STAM2: variants seen among roughly 807,000 people sequenced by gnomAD.
STAM2 encodes the protein signal transducing adapter molecule 2.
STAM2 carries 51 observed loss-of-function variants against 65.6 expected under a neutral mutation model. The ratio of observed to expected loss-of-function variants is 0.78; its 90% CI spans 0.62 to 0.98. The LOEUF (loss-of-function observed/expected upper bound fraction) is 0.98. Ranked by LOEUF, STAM2 falls within the 50% of genes least tolerant of loss-of-function variation. The probability of loss-of-function intolerance (pLI) is 0.00; values close to 1 mark genes in which losing one functional copy is unlikely to be tolerated. For missense variants in STAM2, 584 were observed against 617.8 expected, an observed-to-expected ratio of 0.95 and a Z score of 0.58; for synonymous variants, 198 against 208.4, an observed-to-expected ratio of 0.95 and a Z score of 0.43.
At chr2:152,141,995 A>G (rs1052239816) in intron 7 of STAM2, among the ~76,000 whole-genome samples, 12 of 152,230 alleles carry the variant, frequency 7.9e-5, no homozygotes, top group African/African-American at 2.9e-4. Flanking sequence ...AAAAGTATAA[A>G]AACAATGAAT....
At chr2:152,130,358 T>C (rs1214668665) in intron 11 of STAM2, among the ~76,000 whole-genome samples, 1 of 151,790 alleles carries the variant, frequency 6.6e-6, no homozygotes, top group African/African-American at 2.4e-5. Context: ...TTAACGCCAT[T>C]CTCCTGCCTC....
chr2:152,138,508 A>C (rs114707428), intron 7 of STAM2, among the ~76,000 whole-genome samples: 49 of 152,286 alleles, frequency 3.2e-4, no homozygotes, highest in African/African-American at 1.2e-3. Context: ...AACTTTCTAT[A>C]TGGAAAATCA....
chr2:152,159,212 G>A (rs1689613129), intron 1 of STAM2, among the ~76,000 whole-genome samples: 1 of 150,912 alleles, frequency 6.6e-6, no homozygotes, highest in South Asian at 2.1e-4. Context: ...AGGCTGGGGT[G>A]GGAGGATTCC....
Position 152,120,410 on chromosome 2 carries a change from A to C in STAM2, c.*164T>G, listed in dbSNP as rs965471413. On this transcript the variant is annotated 3_prime_UTR_variant, in exon 14 of 14. Coordinates refer to ENST00000263904, the MANE Select transcript of STAM2 (RefSeq NM_005843.6). ...AAACTGGACTGAAAAAAAAAAAAAAAAAAAACCTTTTATGGCCTTGTAGAA... is the reference window on the plus strand; with the variant it reads ...AAACTGGACTGAAAAAAAAAAAAAACAAAAACCTTTTATGGCCTTGTAGAA... 2.2e-5 allele frequency: 13 copies of C among 580,850 alleles called. No individual in the cohort carries two copies. The highest frequency in any genetic ancestry group is 6.4e-5 in the Admixed American group (2 of 31,304). 36.0% of individuals were successfully genotyped at this position (580,850 alleles called of 1,614,324 possible). A position where few individuals can be genotyped will look rare whatever the true frequency, so the allele number is the denominator to read the frequency against.
intron 7 of STAM2, among the ~76,000 whole-genome samples, chr2:152,136,550 A>G (rs1459486146): frequency 2.6e-5 from 4 of 152,210 alleles, no homozygotes; most frequent in South Asian, 2.1e-4. Context: ...CTGCCACAAT[A>G]AAGTTGGTAG....
chr2:152,161,081 A>G (rs1265839222), intron 1 of STAM2, among the ~76,000 whole-genome samples: 3 of 152,198 alleles, frequency 2.0e-5, no homozygotes, highest in African/African-American at 7.2e-5. Flanking sequence ...GAAAAGATTG[A>G]GAAATCGGAT....
Position 152,159,110 on chromosome 2 carries a change from T to TATATATATATATATATATATATAC in STAM2, c.41-8882_41-8881insGTATATATATATATATATATATAT, listed in dbSNP as rs575009275. Among the ~76,000 whole-genome samples, 573 of 128,846 alleles carry TATATATATATATATATATATATAC rather than the reference T, an allele frequency of 4.4e-3. 4 individuals are homozygous for TATATATATATATATATATATATAC. The highest frequency in any genetic ancestry group is 9.9e-3 in the South Asian group (36 of 3,632). The allele number at this position is 128,846 out of a possible 152,430, so 84.5% of individuals were successfully genotyped here. A position where few individuals can be genotyped will look rare whatever the true frequency, so the allele number is the denominator to read the frequency against. Reference sequence around the variant, plus strand: ...AAAAAAAACCATATATATATATATATACACACACAGATATATATAATTTTT... The same window carrying TATATATATATATATATATATATAC: ...AAAAAAAACCATATATATATATATATATATATATATATATATATATATACACACACACAGATATATATAATTTTT... On this transcript the variant is annotated intron_variant, in intron 1 of 13. Coordinates refer to ENST00000263904, the MANE Select transcript of STAM2 (RefSeq NM_005843.6).
intron 1 of STAM2, 98 bp from the exon 2 acceptor site, chr2:152,150,327 A>T: frequency 1.4e-6 from 1 of 722,290 alleles, no homozygotes; most frequent in South Asian, 1.9e-5. Flanking sequence ...TACCTTTTCT[A>T]TTGCCGAAGA....
chr2:152,126,350 A>T lies in STAM2; in HGVS notation c.1055T>A (p.Val352Asp). The change falls in exon 12 of 14, where the codon GTT becomes GAT. Residue 352 changes from valine to aspartate, a missense_variant. Coordinates refer to ENST00000263904, the MANE Select transcript of STAM2 (RefSeq NM_005843.6). ...TAGTTCCAGAGCTTCCAGGACTTTA[A>T]CATTCAATTCAGACAATTCTGAATG... ...RKHSELSELN[V>D]KVLEALELYN... 1 of 1,586,070 alleles carries T rather than the reference A, an allele frequency of 6.3e-7. No homozygotes were observed. The highest frequency in any genetic ancestry group is 8.6e-7 in the Non-Finnish European group (1 of 1,167,254).
Position 152,147,959 on chromosome 2 carries a change from A to C in STAM2, c.300+65T>G. On this transcript the variant is annotated intron_variant, in intron 4 of 13. Coordinates refer to ENST00000263904, the MANE Select transcript of STAM2 (RefSeq NM_005843.6). ...ATAATACTTTAGTAATGCCACATAT[A>C]GTTATAATGACACACAATCTACATT... 2.2e-5 allele frequency: 26 copies of C among 1,164,896 alleles called. No homozygotes were observed. The South Asian group carries it at 3.4e-4, about 15-fold the overall frequency. The allele number at this position is 1,164,896 out of a possible 1,614,324, so 72.2% of individuals were successfully genotyped here.
At chr2:152,132,081 C>G (rs368416172) in intron 11 of STAM2, 33 bp downstream of exon 11, 2 of 1,533,854 alleles carry the variant, frequency 1.3e-6, no homozygotes, top group Non-Finnish European at 8.9e-7. Flanking sequence ...CCCCCCAAAA[C>G]TATACTTTTT....
At chr2:152,158,273 C>G (rs773427296) in intron 1 of STAM2, among the ~76,000 whole-genome samples, 1 of 151,976 alleles carries the variant, frequency 6.6e-6, no homozygotes, top group East Asian at 1.9e-4. Flanking sequence ...TCAAGAGATC[C>G]GAGACCATCT....
chr2:152,135,750 G>A (rs1336841926), intron 7 of STAM2, 147 bp from the exon 8 acceptor site: 9 of 595,032 alleles, frequency 1.5e-5, no homozygotes, highest in African/African-American at 3.8e-5. Flanking sequence ...TTTAATAAAC[G>A]ATATTAAAAA....
In STAM2 at chr2:152,169,276, G is replaced by GT. The variant is rs1295820345; in HGVS notation, c.40+6326dup. 3.9e-5 allele frequency among the ~76,000 whole-genome samples: 6 copies of GT among 152,054 alleles called. No homozygotes were observed. In the East Asian group the frequency reaches 1.2e-3, roughly 29 times the overall value. On this transcript the variant is annotated intron_variant, in intron 1 of 13. Coordinates refer to ENST00000263904, the MANE Select transcript of STAM2 (RefSeq NM_005843.6). The stretch of plus-strand genomic sequence containing the variant: ...TTTTTTGGTGTTGGTTTTTGGTTTC[G>GT]TTTTTTTGTTTTGTTCGGGAGACAG...
In STAM2 at chr2:152,120,434, A is replaced by G. The variant is rs1579307239; in HGVS notation, c.*140T>C. 4 of 644,018 alleles carry G rather than the reference A, an allele frequency of 6.2e-6. No individual in the cohort carries two copies. In the East Asian group the frequency reaches 1.1e-4, roughly 18 times the overall value. The allele number at this position is 644,018 out of a possible 1,614,324, so 39.9% of individuals were successfully genotyped here. On this transcript the variant is annotated 3_prime_UTR_variant, in exon 14 of 14. Transcript: ENST00000263904. ...AAAAAAACCTTTTATGGCCTTGTAG[A>G]ATAAGAGAGGTTTTTGTGCTTTATT...
intron 1 of STAM2, among the ~76,000 whole-genome samples, chr2:152,158,993 A>G: frequency 6.6e-6 from 1 of 151,250 alleles, no homozygotes. Flanking sequence ...TTAGGAAAAA[A>G]AATTGCCTTT....
At chr2:152,155,093 C>T (rs937517203) in intron 1 of STAM2, among the ~76,000 whole-genome samples, 3 of 152,146 alleles carry the variant, frequency 2.0e-5, no homozygotes, top group Non-Finnish European at 4.4e-5. Context: ...ACATTCCACC[C>T]CCAGAATGAA....
At chr2:152,125,515 A>C in intron 12 of STAM2, among the ~76,000 whole-genome samples, 1 of 152,180 alleles carries the variant, frequency 6.6e-6, no homozygotes, top group Non-Finnish European at 1.5e-5. Flanking sequence ...TGAAATTTCA[A>C]AAAACGCTTC....
intron 1 of STAM2, among the ~76,000 whole-genome samples, chr2:152,151,566 T>C (rs1272316896): frequency 2.0e-5 from 3 of 152,238 alleles, no homozygotes; most frequent in African/African-American, 4.8e-5. Context: ...ATTCAATGTT[T>C]TGACTATATT....
Sources: gnomAD v4.1 joint callset for allele counts (sites outside exome capture counted in the v4.1 genomes callset) on GRCh38, gnomAD v4.1.1 for gene constraint, MANE v1.5 for transcripts, NCBI Gene and HGNC (gene_info 2026-07-23, HGNC 2026-07-21) for gene names.